ZNF827: variants seen among roughly 807,000 people sequenced by gnomAD.
The protein encoded by ZNF827 is zinc finger protein 827.
A neutral mutation model predicts 102.4 loss-of-function variants in ZNF827; 13 were observed. The ratio of observed to expected loss-of-function variants is 0.13; its 90% CI spans 0.08 to 0.20. The LOEUF is 0.20. ZNF827 is among the 10% of genes least tolerant of loss of function. ZNF827 has a pLI of 1.00. For missense variants in ZNF827, 1,103 were observed against 1,344.4 expected (o/e 0.82, Z 2.81); for synonymous variants, 523 against 536.2 (o/e 0.98, Z 0.34).
Position 145,902,793 on chromosome 4 carries a change from A to C in ZNF827, c.466T>G (p.Phe156Val), listed in dbSNP as rs1381999942. The change falls in exon 2 of 15, where the codon TTT (phenylalanine) becomes GTT (valine). Residue 156 changes from phenylalanine (F) to valine (V), a missense_variant. Transcript: ENST00000508784. This position sits in a 1 kb window ranked among gnomAD's most constrained non-coding sequence, Gnocchi z 4.3. The part of the protein sequence containing the change: ...SPVNVGSNLS[F>V]SPPSHHAQQL... ...TGGGCGTGGTGGGAAGGCGGGGAAA[A>C]GGAGAGGTTCGAGCCAACGTTTACG... 6 of 1,613,988 alleles carry C rather than the reference A, an allele frequency of 3.7e-6. No individual in the cohort carries two copies. The highest frequency in any genetic ancestry group is 5.1e-6 in the Non-Finnish European group (6 of 1,179,982).
At chr4:145,826,465 TC>T (rs966267189) in intron 7 of ZNF827, among the ~76,000 whole-genome samples, 4 of 152,146 alleles carry the variant, frequency 2.6e-5, no homozygotes, top group Non-Finnish European at 1.5e-5. Flanking sequence ...ATTATAGTAG[TC>T]CCCCCTTACC....
chr4:145,912,925 G>A (rs538108524), intron 1 of ZNF827, among the ~76,000 whole-genome samples: 5 of 152,122 alleles, frequency 3.3e-5, no homozygotes, highest in Admixed American at 6.5e-5. Flanking sequence ...GAAGGCCTGA[G>A]GCATTTTTCC....
chr4:145,855,479 A>G (rs980093533), intron 5 of ZNF827, among the ~76,000 whole-genome samples: 19 of 152,254 alleles, frequency 1.2e-4, no homozygotes, highest in African/African-American at 4.3e-4. Context: ...GGACCAATGA[A>G]GTGAAACAAA....
intron 5 of ZNF827, among the ~76,000 whole-genome samples, chr4:145,865,893 C>T (rs553226574): frequency 6.6e-6 from 1 of 152,276 alleles, no homozygotes; most frequent in African/African-American, 2.4e-5. Context: ...CCAGTTAAAG[C>T]CAAGACACTC....
intron 4 of ZNF827, among the ~76,000 whole-genome samples, chr4:145,880,086 T>C (rs1235210293): frequency 6.6e-6 from 1 of 152,112 alleles, no homozygotes; most frequent in East Asian, 1.9e-4. Flanking sequence ...AATATAAAAA[T>C]TAGCTGGTCA....
chr4:145,898,118 G>A (rs1392445505), intron 2 of ZNF827, among the ~76,000 whole-genome samples: 3 of 152,148 alleles, frequency 2.0e-5, no homozygotes, highest in African/African-American at 4.8e-5. Flanking sequence ...TCGCACCACC[G>A]CACTCTAGCC....
chr4:145,848,374 A>G (rs890253633), intron 6 of ZNF827, among the ~76,000 whole-genome samples: 1 of 152,196 alleles, frequency 6.6e-6, no homozygotes, highest in African/African-American at 2.4e-5. Context: ...GTCAATGAGA[A>G]GGTGAACTAT....
intron 8 of ZNF827, among the ~76,000 whole-genome samples, chr4:145,787,333 C>T (rs540983943): frequency 3.3e-5 from 5 of 151,958 alleles, no homozygotes; most frequent in African/African-American, 7.2e-5. Flanking sequence ...CGTGGTGGCG[C>T]GCGCCTGTAG....
intron 1 of ZNF827, among the ~76,000 whole-genome samples, chr4:145,913,553 C>A (rs920661221): frequency 4.7e-5 from 7 of 149,960 alleles, no homozygotes; most frequent in African/African-American, 1.7e-4. Context: ...AAATTAATAA[C>A]AAAATTTTTC....
chr4:145,925,049 A>G (rs1406249920), intron 1 of ZNF827, among the ~76,000 whole-genome samples: 2 of 152,216 alleles, frequency 1.3e-5, no homozygotes, highest in Admixed American at 6.5e-5. Context: ...GCAAAGGAGG[A>G]GCAAAGTCAC....
At chr4:145,886,861 A>C (rs1750161104) in intron 3 of ZNF827, among the ~76,000 whole-genome samples, 1 of 152,260 alleles carries the variant, frequency 6.6e-6, no homozygotes, top group Admixed American at 6.5e-5. Context: ...CAATGAAAGA[A>C]TGCAGACTTT....
At position 145,775,228 on chromosome 4, in the gene ZNF827, A is replaced by G. The variant is rs1003137751; in HGVS notation, c.2694-556T>C. On this transcript the variant is annotated intron_variant, in intron 10 of 14. Coordinates refer to ENST00000508784, the MANE Select transcript of ZNF827 (RefSeq NM_001306215.2). Reference sequence around the variant, plus strand: ...TTCCTGCAAAAGCAAGTTTCCACCAATCAGTATGGCAACTCTCTAGGACAA... The same window carrying G: ...TTCCTGCAAAAGCAAGTTTCCACCAGTCAGTATGGCAACTCTCTAGGACAA... Among the ~76,000 whole-genome samples the G allele has an allele frequency of 2.7e-4, 41 of 152,172 alleles. 1 individual carries two copies. Among genetic ancestry groups the G allele is most frequent in the African/African-American group, 9.4e-4 (39 of 41,432 alleles).
chr4:145,917,700 C>CAAAAAAAAAAAAAAAAAAAAAAAAAAA (rs763617063), intron 1 of ZNF827, among the ~76,000 whole-genome samples: 1 of 46,856 alleles, frequency 2.1e-5, no homozygotes, highest in Non-Finnish European at 4.0e-5. Flanking sequence ...GGTAGCTGGT[C>CAAAAAAAAAAAAAAAAAAAAAAAAAAA]AAAAAAAAAA....
In ZNF827 at chr4:145,938,427, TCTC is replaced by T; in HGVS notation, c.-23_-21del. 2.5e-6 allele frequency: 4 copies of T among 1,607,598 alleles called. No individual in the cohort carries two copies. The highest frequency in any genetic ancestry group is 3.4e-6 in the Non-Finnish European group (4 of 1,177,864). ...GGGCATTTTCCCCCTTTTCTCACAT[TCTC>T]CTCCTTGGTTAATGTGAGATCAAAT... On this transcript the variant is annotated 5_prime_UTR_variant, in exon 1 of 15. Coordinates refer to ENST00000508784, the MANE Select transcript of ZNF827 (RefSeq NM_001306215.2).
intron 11 of ZNF827, among the ~76,000 whole-genome samples, chr4:145,772,763 T>A (rs1439506769): frequency 6.6e-6 from 1 of 152,196 alleles, no homozygotes; most frequent in Non-Finnish European, 1.5e-5. Flanking sequence ...AAAAGAAACT[T>A]CTTTAATGCA....
In ZNF827 at chr4:145,845,977, T is replaced by C. The variant is rs1745891853; in HGVS notation, c.2258A>G (p.Asn753Ser). The C allele has an allele frequency of 1.2e-6, 2 of 1,614,062 alleles. No individual in the cohort carries two copies. Among genetic ancestry groups the C allele is most frequent in the Admixed American group, 1.7e-5 (1 of 60,006 alleles). Residue 753 changes from asparagine (N) to serine (S), a missense_variant, in exon 7 of 15, where the codon AAC becomes AGC. This residue lies in a region of ZNF827 where 243 missense variants were observed against 251.6 expected (regional missense o/e 0.97). Coordinates refer to ENST00000508784, the MANE Select transcript of ZNF827 (RefSeq NM_001306215.2). ...CTACCTGGTCGTGGTCCGGATGGTG[T>C]TTTCTTTTGTATGATTGTGCTCTTT... Reference protein sequence around the residue: ...VSKEHNHTKENTIRTTTSPFF... With the variant: ...VSKEHNHTKESTIRTTTSPFF...
chr4:145,824,206 C>T (rs369373536), intron 7 of ZNF827, among the ~76,000 whole-genome samples: 1 of 152,188 alleles, frequency 6.6e-6, no homozygotes, highest in African/African-American at 2.4e-5. Flanking sequence ...CACCAGACAT[C>T]CTGCCAGGGT....
At chr4:145,862,867 C>T (rs1397207992) in intron 5 of ZNF827, among the ~76,000 whole-genome samples, 1 of 152,020 alleles carries the variant, frequency 6.6e-6, no homozygotes, top group Non-Finnish European at 1.5e-5. Flanking sequence ...ATAGGGCTCA[C>T]AAGCAACAAA....
chr4:145,815,027 C>A (rs944443730), intron 8 of ZNF827, among the ~76,000 whole-genome samples: 10 of 152,142 alleles, frequency 6.6e-5, no homozygotes, highest in African/African-American at 2.2e-4. Context: ...CAAATGGTGT[C>A]CAAACTTATG....
Sources: gnomAD v4.1 joint callset for allele counts (sites outside exome capture counted in the v4.1 genomes callset) on GRCh38, gnomAD v4.1.1 for gene constraint, gnomAD v4.1.1 regional missense constraint, Gnocchi (gnomAD v3.1) non-coding constraint, MANE v1.5 for transcripts, NCBI Gene and HGNC (gene_info 2026-07-23, HGNC 2026-07-21) for gene names.